Variants in DNAI1 observed in about 807,000 individuals in gnomAD.
DNAI1 encodes dynein, axonemal, intermediate polypeptide 1.
A neutral mutation model predicts 92.0 loss-of-function variants in DNAI1; 67 were observed. The ratio of observed to expected loss-of-function variants is 0.73; its 90% confidence interval spans 0.60 to 0.89. The LOEUF is 0.89. Among genes scored for constraint, DNAI1 ranks in the 40% least tolerant of loss-of-function variants. The pLI is 0.00. For missense variants in DNAI1, 839 were observed against 866.6 expected (o/e 0.97, Z 0.40); for synonymous variants, 323 against 319.6 (o/e 1.01, Z -0.11).
intron 8 of DNAI1, among the ~76,000 whole-genome samples, chr9:34,492,059 C>T (rs1478209724): frequency 6.6e-6 from 1 of 152,170 alleles, no homozygotes. Flanking sequence ...TCTGTTCATA[C>T]TTTAAGATCC....
intron 1 of DNAI1, among the ~76,000 whole-genome samples, chr9:34,473,154 A>C (rs1217897705): frequency 6.6e-6 from 1 of 151,978 alleles, no homozygotes; most frequent in Non-Finnish European, 1.5e-5. Flanking sequence ...ATAAAAGTTT[A>C]CTTCATTCTT....
chr9:34,495,344 C>A (rs1038234098), intron 9 of DNAI1, among the ~76,000 whole-genome samples: 45 of 152,156 alleles, frequency 3.0e-4, no homozygotes, highest in African/African-American at 1.0e-3. Flanking sequence ...GAGGCACTGG[C>A]TCACTGTGTG....
At chr9:34,518,757 G>A (rs1036352438) in intron 19 of DNAI1, among the ~76,000 whole-genome samples, 10 of 152,176 alleles carry the variant, frequency 6.6e-5, no homozygotes, top group African/African-American at 2.4e-4. Flanking sequence ...CCATGAGGGT[G>A]GTAGACATGG....
intron 1 of DNAI1, among the ~76,000 whole-genome samples, chr9:34,473,897 A>G (rs1218678735): frequency 6.6e-6 from 1 of 151,690 alleles, no homozygotes; most frequent in Non-Finnish European, 1.5e-5. Context: ...GCTAATTTTT[A>G]AAAATTTTTG....
rs2132057443 is a variant in DNAI1, at chr9:34,485,241, G to A, written c.180+1G>A. ...TGACCAGCTGGAGTTGACCGATGCG[G>A]TGAGTGAGTAGCCTCTTGTTCTTGC... On this transcript the variant is annotated splice_donor_variant, in intron 3 of 19. Transcript: ENST00000242317. LOFTEE classifies it high-confidence loss of function. 6.2e-7 allele frequency: 1 copy of A among 1,614,186 alleles called. No homozygotes were observed. Among genetic ancestry groups the A allele is most frequent in the Non-Finnish European group, 8.5e-7 (1 of 1,180,022 alleles).
Position 34,514,667 on chromosome 9 carries a change from C to T in DNAI1, c.1746C>T (p.Asn582=), listed in dbSNP as rs753758062. The part of the protein sequence containing the change: ...IKTPMFIYDL[N]SAVGDVAWAP... ...CCCCGATGTTCATCTATGACCTGAA[C>T]TCAGCCGTGGGTGATGTGGCCTGGG... Residue 582 remains asparagine, a synonymous_variant, in exon 18 of 20, where the codon AAC becomes AAT. Coordinates refer to ENST00000242317, the MANE Select transcript of DNAI1 (RefSeq NM_012144.4). 1 of 1,614,224 alleles carries T rather than the reference C, an allele frequency of 6.2e-7. No homozygotes were observed. Among genetic ancestry groups the T allele is most frequent in the Non-Finnish European group, 8.5e-7 (1 of 1,180,054 alleles).
chr9:34,520,534 C>T (rs1457696654), intron 19 of DNAI1, 124 bp from the exon 20 acceptor site: 7 of 871,496 alleles, frequency 8.0e-6, no homozygotes, highest in Non-Finnish European at 1.3e-5. Flanking sequence ...GGCAGGGATC[C>T]AGAATTTACT....
At chr9:34,491,361 TC>T in intron 7 of DNAI1, 133 bp from the exon 8 acceptor site, 2 of 873,794 alleles carry the variant, frequency 2.3e-6, no homozygotes. Context: ...CCCAAGCCCC[TC>T]TTTACTTCCC....
At chr9:34,472,880 G>A (rs1255978946) in intron 1 of DNAI1, among the ~76,000 whole-genome samples, 5 of 151,422 alleles carry the variant, frequency 3.3e-5, no homozygotes, top group Non-Finnish European at 7.4e-5. Flanking sequence ...CTAGCTTGGC[G>A]ATGGAGTAAG....
At chr9:34,504,637 G>A (rs971671957) in intron 12 of DNAI1, among the ~76,000 whole-genome samples, 5 of 152,158 alleles carry the variant, frequency 3.3e-5, no homozygotes, top group African/African-American at 1.2e-4. Context: ...TGTCTCTAAG[G>A]CCTTGCTCTT....
At position 34,506,719 on chromosome 9, in the gene DNAI1, G is replaced by A. The variant is rs565923150; in HGVS notation, c.1156G>A (p.Val386Ile). Residue 386 changes from valine (V) to isoleucine (I), a missense_variant, in exon 13 of 20, where the codon GTC becomes ATC. By Grantham distance (29) the Val-to-Ile change is conservative. Coordinates refer to ENST00000242317, the MANE Select transcript of DNAI1 (RefSeq NM_012144.4). ...GTACATGTTCAGCAGCAACAGCGGCGTCATGTGTCTCGACATCCACGTGGA... is the reference window on the plus strand; with the variant it reads ...GTACATGTTCAGCAGCAACAGCGGCATCATGTGTCTCGACATCCACGTGGA... ...PEYMFSSNSG[V>I]MCLDIHVDHP... 2.0e-5 allele frequency: 32 copies of A among 1,614,194 alleles called. No homozygotes were observed. Among genetic ancestry groups the A allele is most frequent in the Admixed American group, 1.2e-4 (7 of 60,028 alleles).
At chr9:34,486,216 A>C (rs1430731419) in intron 4 of DNAI1, among the ~76,000 whole-genome samples, 1 of 152,076 alleles carries the variant, frequency 6.6e-6, no homozygotes, top group Non-Finnish European at 1.5e-5. Context: ...TCTGAGACCC[A>C]TTTGTTCCAT....
intron 4 of DNAI1, chr9:34,488,161 A>C (rs1295524025): frequency 3.8e-6 from 1 of 260,428 alleles, no homozygotes; most frequent in Non-Finnish European, 7.9e-6. Context: ...TATTATTTTT[A>C]ATACTTATAA....
intron 8 of DNAI1, among the ~76,000 whole-genome samples, chr9:34,492,535 T>TATATATATATATATATATATATATATATA (rs1425684909): frequency 7.6e-6 from 1 of 131,868 alleles, no homozygotes; most frequent in Non-Finnish European, 1.6e-5. Context: ...TATATATATA[T>TATATATATATATATATATATATATATATA]TTGAGACAAG....
At chr9:34,461,075 C>G (rs1364517909) in intron 1 of DNAI1, among the ~76,000 whole-genome samples, 1 of 152,128 alleles carries the variant, frequency 6.6e-6, no homozygotes, top group Non-Finnish European at 1.5e-5. Flanking sequence ...ATCTCCTGAC[C>G]TCGTGATCTG....
intron 1 of DNAI1, among the ~76,000 whole-genome samples, chr9:34,476,642 A>C (rs1824243648): frequency 6.6e-6 from 1 of 152,208 alleles, no homozygotes; most frequent in South Asian, 2.1e-4. Context: ...GGCTAGCCTG[A>C]CAGAAGGGTG....
At chr9:34,492,205 C>CT (rs1234344948) in intron 8 of DNAI1, among the ~76,000 whole-genome samples, 2 of 151,892 alleles carry the variant, frequency 1.3e-5, no homozygotes, top group East Asian at 1.9e-4. Flanking sequence ...GAATAGGAGA[C>CT]TGGGGGGGAG....
intron 1 of DNAI1, among the ~76,000 whole-genome samples, chr9:34,462,660 G>C (rs559410698): frequency 5.9e-5 from 9 of 152,290 alleles, no homozygotes; most frequent in African/African-American, 2.2e-4. Context: ...GACTTGTGGG[G>C]AATTATAACA....
intron 1 of DNAI1, among the ~76,000 whole-genome samples, chr9:34,473,765 G>A (rs1483703452): frequency 6.6e-6 from 1 of 151,888 alleles, no homozygotes; most frequent in African/African-American, 2.4e-5. Context: ...TAGCTCTGGT[G>A]CCCAGGCTGG....
Sources: allele counts gnomAD v4.1 joint callset (sites outside exome capture counted in the v4.1 genomes callset), GRCh38; gene constraint gnomAD v4.1.1; transcripts MANE v1.5; gene names NCBI Gene and HGNC (gene_info 2026-07-23, HGNC 2026-07-21).